The following IPO7 variants were observed in gnomAD, a reference collection of about 807,000 sequenced individuals.
IPO7 encodes the protein importin-7.
IPO7 carries 13 observed loss-of-function variants against 136.4 expected under a neutral mutation model. The observed-to-expected ratio is 0.10, with a 90% CI of 0.06 to 0.15. The LOEUF (loss-of-function observed/expected upper bound fraction) is 0.15, where lower values mean the gene tolerates loss of function less well. IPO7 is among the 10% of genes least tolerant of loss of function. The pLI is 1.00. For synonymous variants in IPO7, 403 were observed against 404.4 expected (o/e 1.00, Z 0.04); for missense variants, 857 against 1,240.6 (o/e 0.69, Z 4.65).
chr11:9,414,731 T>C (rs1564997143), intron 5 of IPO7: 1 of 153,526 alleles, frequency 6.5e-6, no homozygotes, highest in Non-Finnish European at 1.4e-5. Flanking sequence ...TTTCAAGCGA[T>C]TCTCCTGCCT....
At position 9,446,871 on chromosome 11, in the gene IPO7, T is replaced by C. The variant is rs1219587234; in HGVS notation, c.*1677T>C. ...TTTCCTATATTTATGAATTTACTAC[T>C]AAAATCTTGGCAAAAAAAGAAAAAA... On this transcript the variant is annotated 3_prime_UTR_variant, in exon 25 of 25. Coordinates refer to ENST00000379719, the MANE Select transcript of IPO7 (RefSeq NM_006391.3). The C allele has an allele frequency of 3.3e-5, 5 of 152,144 alleles. No homozygotes were observed. Among genetic ancestry groups the C allele is most frequent in the Non-Finnish European group, 7.4e-5 (5 of 68,024 alleles). The allele number at this position is 152,144 out of a possible 1,614,324, so 9.4% of individuals were successfully genotyped here.
At chr11:9,437,636 A>C (rs1855398089) in intron 20 of IPO7, 118 bp from the exon 21 acceptor site, 3 of 712,444 alleles carry the variant, frequency 4.2e-6, no homozygotes, top group Non-Finnish European at 7.0e-6. Flanking sequence ...TCAGCAGTAA[A>C]TATTGGTCAT....
At position 9,391,159 on chromosome 11, in the gene IPO7, G is replaced by T. The variant is rs186780805; in HGVS notation, c.84+6312G>T. Reference sequence around the variant, plus strand: ...CTCACGCCTGTAATCCAGCACTTTGGGAGGCCGAGGTGGGCGGATCACAAG... The same window carrying T: ...CTCACGCCTGTAATCCAGCACTTTGTGAGGCCGAGGTGGGCGGATCACAAG... On this transcript the variant is annotated intron_variant, in intron 1 of 24. Coordinates refer to ENST00000379719, the MANE Select transcript of IPO7 (RefSeq NM_006391.3). Among the ~76,000 whole-genome samples, 391 of 152,286 alleles carry T rather than the reference G, an allele frequency of 2.6e-3. 1 individual carries two copies. Among genetic ancestry groups the T allele is most frequent in the African/African-American group, 9.1e-3 (377 of 41,580 alleles).
chr11:9,429,063 G>A lies in IPO7; in HGVS notation c.1458G>A (p.Val486=), dbSNP rs1855255478. 2 of 1,613,894 alleles carry A rather than the reference G, an allele frequency of 1.2e-6. No individual in the cohort carries two copies. The highest frequency in any genetic ancestry group is 1.7e-6 in the Non-Finnish European group (2 of 1,179,900). The change falls in exon 14 of 25, where the codon GTG becomes GTA. Residue 486 remains valine, a synonymous_variant. Transcript: ENST00000379719. ...ACWVLHYFCE[V]KFKSDQNLQT... is the part of the protein sequence containing the mutation. The stretch of plus-strand genomic sequence containing the variant: ...GGGTACTTCACTATTTTTGTGAAGT[G>A]AAGTTCAAAAGTGATCAGAACCTTC...
Position 9,415,846 on chromosome 11 carries a change from AG to A in IPO7, c.637-1212del, listed in dbSNP as rs528961245. Among the ~76,000 whole-genome samples the A allele has an allele frequency of 8.4e-4, 128 of 152,196 alleles. 1 individual carries two copies. Among genetic ancestry groups the A allele is most frequent in the African/African-American group, 2.9e-3 (120 of 41,486 alleles). The stretch of plus-strand genomic sequence containing the variant: ...GAGCAAGACTCCGTCCCAAAAAAAA[AG>A]AAAAAAAGAAAAAAAAGAAATGGTT... On this transcript the variant is annotated intron_variant, in intron 5 of 24. Transcript: ENST00000379719.
At chr11:9,388,076 G>C (rs1854576933) in intron 1 of IPO7, among the ~76,000 whole-genome samples, 1 of 151,692 alleles carries the variant, frequency 6.6e-6, no homozygotes, top group Non-Finnish European at 1.5e-5. Context: ...GAACCCGGGA[G>C]GTGGAGGTTG....
intron 2 of IPO7, among the ~76,000 whole-genome samples, chr11:9,404,457 A>G (rs1034025528): frequency 6.6e-6 from 1 of 151,796 alleles, no homozygotes. Flanking sequence ...AGAGTGAGAG[A>G]CCATCTCAAA....
chr11:9,443,211 C>CA (rs1417114705), intron 24 of IPO7, among the ~76,000 whole-genome samples: 2 of 149,780 alleles, frequency 1.3e-5, no homozygotes, highest in Non-Finnish European at 3.0e-5. Context: ...CTCAAAAAAA[C>CA]AAAAAAAAGT....
At position 9,447,408 on chromosome 11, in the gene IPO7, TG is replaced by T. The variant is rs1425986175; in HGVS notation, c.*2215del. On this transcript the variant is annotated 3_prime_UTR_variant, in exon 25 of 25. Transcript: ENST00000379719. The stretch of plus-strand genomic sequence containing the variant: ...CCTTATAATTAAACTATTTAAATAG[TG>T]TTCAAATGATAGTTTCTAATGCATC... 2 of 152,206 alleles carry T rather than the reference TG, an allele frequency of 1.3e-5. No individual in the cohort carries two copies. The highest frequency in any genetic ancestry group is 2.9e-5 in the Non-Finnish European group (2 of 68,024). 9.4% of individuals were successfully genotyped at this position (152,206 alleles called of 1,614,324 possible).
chr11:9,426,904 T>C (rs1051958132), intron 12 of IPO7, among the ~76,000 whole-genome samples: 1 of 104,050 alleles, frequency 9.6e-6, no homozygotes, highest in African/African-American at 2.9e-5. Flanking sequence ...GATTTCCGCC[T>C]CCCCGCCCCC....
chr11:9,396,473 A>T (rs1264644691), intron 1 of IPO7, among the ~76,000 whole-genome samples: 1 of 152,250 alleles, frequency 6.6e-6, no homozygotes, highest in Non-Finnish European at 1.5e-5. Context: ...AGTATGCAAT[A>T]CAGTGGCTTT....
intron 4 of IPO7, among the ~76,000 whole-genome samples, chr11:9,412,291 A>G (rs963168196): frequency 5.9e-5 from 9 of 152,202 alleles, no homozygotes; most frequent in African/African-American, 1.9e-4. Flanking sequence ...AGCTTTTAAA[A>G]AGAGTCTCCC....
rs78374822 is a variant in IPO7 at position 9,405,021 on chromosome 11, G to A, written c.166+1650G>A. ...TAAAATGTTGCCTAGTACAGTGTAG[G>A]TACTCAGGAAATAAATGAATTTAAA... On this transcript the variant is annotated intron_variant, in intron 2 of 24. Coordinates refer to ENST00000379719, the MANE Select transcript of IPO7 (RefSeq NM_006391.3). 7.8e-3 allele frequency among the ~76,000 whole-genome samples: 1,185 copies of A among 152,048 alleles called. 35 individuals carry two copies. The East Asian group carries it at 0.099, about 13-fold the overall frequency.
At chr11:9,412,914 G>A (rs113113677) in intron 4 of IPO7, among the ~76,000 whole-genome samples, 195 of 141,388 alleles carry the variant, frequency 1.4e-3, no homozygotes, top group Middle Eastern at 3.7e-3. Context: ...TTTTTGAGAC[G>A]GAGTCTCTCT....
chr11:9,398,603 T>G (rs182160649), intron 1 of IPO7, among the ~76,000 whole-genome samples: 1 of 152,244 alleles, frequency 6.6e-6, no homozygotes, highest in Admixed American at 6.5e-5. Flanking sequence ...ATTTTTTAAT[T>G]GATACATGAT....
In IPO7 at chr11:9,424,980, A is replaced by C; in HGVS notation, c.1208A>C (p.Lys403Thr). Residue 403 changes from lysine (K) to threonine (T), a missense_variant, in exon 11 of 25, where the codon AAG (lysine) becomes ACG (threonine). This residue lies in a region of IPO7 where 127 missense variants were observed against 222.4 expected (regional missense o/e 0.57). Coordinates refer to ENST00000379719, the MANE Select transcript of IPO7 (RefSeq NM_006391.3). ...ACACTTTTGTTTACAGCCTGTAGTA[A>C]GAGGAAAGAGGTAGGCTTATTTAAT... ...AQTLLFTACS[K>T]RKEVLQKTMG... 1 of 1,573,260 alleles carries C rather than the reference A, an allele frequency of 6.4e-7. No homozygotes were observed. The highest frequency in any genetic ancestry group is 8.7e-7 in the Non-Finnish European group (1 of 1,154,564).
At chr11:9,395,876 C>G (rs749472303) in intron 1 of IPO7, among the ~76,000 whole-genome samples, 8 of 151,630 alleles carry the variant, frequency 5.3e-5, no homozygotes, top group Non-Finnish European at 1.2e-4. Context: ...GCCACCACGT[C>G]TGGCTAATTT....
At chr11:9,404,576 T>G (rs1854851329) in intron 2 of IPO7, among the ~76,000 whole-genome samples, 1 of 148,252 alleles carries the variant, frequency 6.7e-6, no homozygotes, top group Non-Finnish European at 1.5e-5. Flanking sequence ...TTTTTTTTTT[T>G]TTTTTTTGAG....
intron 1 of IPO7, among the ~76,000 whole-genome samples, chr11:9,386,053 G>A (rs1311318790): frequency 6.6e-6 from 1 of 152,138 alleles, no homozygotes; most frequent in African/African-American, 2.4e-5. Context: ...TAAAAACATT[G>A]TTTATATTGA....
Sources: allele counts gnomAD v4.1 joint callset (sites outside exome capture counted in the v4.1 genomes callset), GRCh38; gene constraint gnomAD v4.1.1; regional missense constraint gnomAD v4.1.1; transcripts MANE v1.5; gene names NCBI Gene and HGNC (gene_info 2026-07-23, HGNC 2026-07-21).